Variants in MDGA2 observed in about 807,000 individuals in gnomAD.
MDGA2 encodes the protein MAM domain-containing glycosylphosphatidylinositol anchor protein 2.
A neutral mutation model predicts 117.8 loss-of-function variants in MDGA2; 40 were observed. The observed-to-expected ratio is 0.34, with a 90% CI of 0.26 to 0.44. The LOEUF is 0.44. Among genes scored for constraint, MDGA2 ranks in the 20% least tolerant of loss-of-function variants. The pLI, the probability that MDGA2 is intolerant of heterozygous loss-of-function variation, is 1.00. For missense variants in MDGA2, 1,123 were observed against 1,250.6 expected, an observed-to-expected ratio of 0.90 and a Z score of 1.54; for synonymous variants, 452 against 439.0, an observed-to-expected ratio of 1.03 and a Z score of -0.37.
chr14:47,215,264 T>C (rs1385567313), intron 3 of MDGA2, among the ~76,000 whole-genome samples: 1 of 152,096 alleles, frequency 6.6e-6, no homozygotes, highest in Non-Finnish European at 1.5e-5. Context: ...TTGCTTATAG[T>C]TTATATAAAT....
intron 1 of MDGA2, among the ~76,000 whole-genome samples, chr14:47,420,413 T>C (rs565112945): frequency 6.1e-4 from 93 of 152,264 alleles, no homozygotes; most frequent in African/African-American, 2.1e-3. Flanking sequence ...AAATTCTTTA[T>C]TTGGGAAAAT....
chr14:47,525,981 T>C (rs1322037320), intron 1 of MDGA2, among the ~76,000 whole-genome samples: 1 of 152,124 alleles, frequency 6.6e-6, no homozygotes, highest in Non-Finnish European at 1.5e-5. Context: ...ATTTCCTTCT[T>C]TGAGCTTTAA....
intron 1 of MDGA2, among the ~76,000 whole-genome samples, chr14:47,548,698 G>C (rs1895513944): frequency 6.6e-6 from 1 of 152,102 alleles, no homozygotes; most frequent in Non-Finnish European, 1.5e-5. Context: ...GATCAGTCAA[G>C]GGTGAGAAAT....
intron 1 of MDGA2, among the ~76,000 whole-genome samples, chr14:47,559,496 G>A (rs952226220): frequency 6.6e-6 from 1 of 151,810 alleles, no homozygotes; most frequent in South Asian, 2.1e-4. Context: ...ACTATTCATG[G>A]GCATTTGGGT....
intron 1 of MDGA2, among the ~76,000 whole-genome samples, chr14:47,311,491 T>C (rs978548321): frequency 6.6e-6 from 1 of 151,724 alleles, no homozygotes; most frequent in Admixed American, 6.6e-5. Flanking sequence ...TCTTAGCCTG[T>C]CAAAAAAAAA....
chr14:47,612,126 G>A (rs1266594303), intron 1 of MDGA2, among the ~76,000 whole-genome samples: 2 of 151,964 alleles, frequency 1.3e-5, no homozygotes, highest in African/African-American at 2.4e-5. Flanking sequence ...CAAGAAATAT[G>A]ATTTCCCTAT....
At chr14:47,192,150 T>C (rs536522693) in intron 3 of MDGA2, among the ~76,000 whole-genome samples, 7 of 152,208 alleles carry the variant, frequency 4.6e-5, no homozygotes, top group Non-Finnish European at 1.0e-4. Flanking sequence ...TGAGATGGAC[T>C]AAGAGAAATT....
intron 1 of MDGA2, among the ~76,000 whole-genome samples, chr14:47,627,861 T>G (rs1015889862): frequency 6.6e-6 from 1 of 152,202 alleles, no homozygotes; most frequent in Non-Finnish European, 1.5e-5. Flanking sequence ...GTTTCACGCC[T>G]GAGCCAGCAA....
At position 47,570,824 on chromosome 14, in the gene MDGA2, A is replaced by G. The variant is rs563737611; in HGVS notation, c.280+103693T>C. On this transcript the variant is annotated intron_variant, in intron 1 of 16. Coordinates refer to ENST00000399232, the MANE Select transcript of MDGA2 (RefSeq NM_001113498.3). ...AACCCTAGAAGAAAACCTAGGCAATACCATTCAGGACATAGGCATAGGCAA... is the reference window on the plus strand; with the variant it reads ...AACCCTAGAAGAAAACCTAGGCAATGCCATTCAGGACATAGGCATAGGCAA... Among the ~76,000 whole-genome samples the G allele has an allele frequency of 3.9e-5, 6 of 152,310 alleles. No individual in the cohort carries two copies. The East Asian group carries it at 1.2e-3, about 29-fold the overall frequency.
chr14:47,224,986 CAAT>C (rs566981833), intron 2 of MDGA2, among the ~76,000 whole-genome samples: 12 of 152,162 alleles, frequency 7.9e-5, no homozygotes, highest in African/African-American at 2.9e-4. Context: ...TATCAGTCTA[CAAT>C]AATTATAGCA....
chr14:46,898,969 C>T (rs7155739), intron 10 of MDGA2, among the ~76,000 whole-genome samples: 57,412 of 151,822 alleles, frequency 0.38, 11,881 homozygotes, highest in African/African-American at 0.54. Context: ...AACAGAATCT[C>T]TGCCCCTCCC....
At chr14:47,261,520 A>G (rs1444975227) in intron 2 of MDGA2, among the ~76,000 whole-genome samples, 1 of 152,180 alleles carries the variant, frequency 6.6e-6, no homozygotes, top group East Asian at 1.9e-4. Context: ...GTTAAAGCAG[A>G]TGGCCTAAGT....
At chr14:47,039,445 AG>A (rs1888983283) in intron 7 of MDGA2, among the ~76,000 whole-genome samples, 1 of 152,260 alleles carries the variant, frequency 6.6e-6, no homozygotes, top group East Asian at 1.9e-4. Context: ...TCATGGCCAT[AG>A]GCAGTTTTCT....
chr14:47,115,479 T>C (rs1016284617), intron 5 of MDGA2, among the ~76,000 whole-genome samples: 1 of 152,044 alleles, frequency 6.6e-6, no homozygotes, highest in South Asian at 2.1e-4. Flanking sequence ...GTGTGAGATA[T>C]TTGCTTTTCA....
At chr14:47,661,746 C>CTTTTTTTTTTT (rs1172717995) in intron 1 of MDGA2, among the ~76,000 whole-genome samples, 1 of 97,210 alleles carries the variant, frequency 1.0e-5, no homozygotes, top group Non-Finnish European at 1.9e-5. Flanking sequence ...ATCAGAGTTT[C>CTTTTTTTTTTT]TTTTTTTTTT....
chr14:47,402,331 CCCCCG>C (rs1272521965), intron 1 of MDGA2, among the ~76,000 whole-genome samples: 2 of 6,958 alleles, frequency 2.9e-4, no homozygotes, highest in East Asian at 8.5e-3. Flanking sequence ...ACCCCAGAAA[CCCCCG>C]CCCCCCCACC....
intron 8 of MDGA2, among the ~76,000 whole-genome samples, chr14:46,989,317 C>T (rs1389122241): frequency 7.1e-6 from 1 of 141,156 alleles, no homozygotes. Flanking sequence ...AGGATAGCTG[C>T]ACTGGAAAAA....
intron 14 of MDGA2, among the ~76,000 whole-genome samples, chr14:46,856,643 A>G (rs1269477657): frequency 6.6e-6 from 1 of 151,994 alleles, no homozygotes; most frequent in Non-Finnish European, 1.5e-5. Flanking sequence ...TTTAAATTCA[A>G]TGTTTAGTTT....
intron 1 of MDGA2, among the ~76,000 whole-genome samples, chr14:47,655,014 T>C (rs765565491): frequency 6.6e-6 from 1 of 152,108 alleles, no homozygotes; most frequent in African/African-American, 2.4e-5. Flanking sequence ...TATGGCATTC[T>C]AGACAAAATG....
Sources: gnomAD v4.1 joint callset for allele counts (sites outside exome capture counted in the v4.1 genomes callset) on GRCh38, gnomAD v4.1.1 for gene constraint, MANE v1.5 for transcripts, NCBI Gene and HGNC (gene_info 2026-07-23, HGNC 2026-07-21) for gene names.